The following CDKAL1 variants were observed in gnomAD, a reference collection of about 807,000 sequenced individuals.
CDKAL1 encodes CDKAL1 threonylcarbamoyladenosine tRNA methylthiotransferase, also known as threonylcarbamoyladenosine tRNA methylthiotransferase.
CDKAL1 carries 32 observed loss-of-function variants against 68.2 expected under a neutral mutation model. The observed-to-expected ratio is 0.47, with a 90% CI of 0.35 to 0.63. The LOEUF (loss-of-function observed/expected upper bound fraction) is 0.63, where lower values mean the gene tolerates loss of function less well. Among genes scored for constraint, CDKAL1 ranks in the 30% least tolerant of loss-of-function variants. CDKAL1 has a pLI of 0.00. For missense variants in CDKAL1, 606 were observed against 696.7 expected (o/e 0.87, Z 1.47); for synonymous variants, 234 against 244.3 (o/e 0.96, Z 0.39).
At chr6:20,982,374 G>A (rs11961135) in intron 10 of CDKAL1, among the ~76,000 whole-genome samples, 14,564 of 152,032 alleles carry the variant, frequency 0.096, 785 homozygotes, top group Non-Finnish European at 0.12. Context: ...GAAATTCTTA[G>A]CATATAAATA....
intron 4 of CDKAL1, among the ~76,000 whole-genome samples, chr6:20,573,371 C>G (rs1764783566): frequency 6.7e-6 from 1 of 150,318 alleles, no homozygotes. Context: ...CAACAAAAAC[C>G]TCAAGTTATA....
chr6:20,611,200 A>G (rs1234630998), intron 4 of CDKAL1, among the ~76,000 whole-genome samples: 2 of 152,092 alleles, frequency 1.3e-5, no homozygotes, highest in Non-Finnish European at 2.9e-5. Flanking sequence ...CTATTCAGCT[A>G]CTTCATGCTT....
At chr6:20,788,384 G>A (rs1324715584) in intron 8 of CDKAL1, among the ~76,000 whole-genome samples, 2 of 152,206 alleles carry the variant, frequency 1.3e-5, no homozygotes, top group Non-Finnish European at 2.9e-5. Context: ...CACACCGTAA[G>A]GTGAGTACAG....
chr6:20,975,947 A>C (rs186385655), intron 10 of CDKAL1, among the ~76,000 whole-genome samples: 24 of 152,312 alleles, frequency 1.6e-4, no homozygotes, highest in Admixed American at 1.4e-3. Flanking sequence ...GGGTTTTGAC[A>C]AATGTATAAT....
chr6:20,803,363 C>T (rs912531179), intron 8 of CDKAL1, among the ~76,000 whole-genome samples: 10 of 152,210 alleles, frequency 6.6e-5, no homozygotes, highest in Non-Finnish European at 1.3e-4. Flanking sequence ...GCCATTACTT[C>T]TGCTAGGCCT....
intron 13 of CDKAL1, among the ~76,000 whole-genome samples, chr6:21,155,855 G>C (rs1248019377): frequency 6.6e-6 from 1 of 152,150 alleles, no homozygotes; most frequent in Admixed American, 6.5e-5. Flanking sequence ...GGACGGATCT[G>C]AGTAAACATA....
At chr6:20,902,311 TCACA>T (rs71658260) in intron 9 of CDKAL1, among the ~76,000 whole-genome samples, 1,945 of 8,120 alleles carry the variant, frequency 0.24, 18 homozygotes, top group Middle Eastern at 0.31. Flanking sequence ...CGTGGTGGAT[TCACA>T]CACACACACA....
chr6:20,730,647 C>T (rs556708524), intron 5 of CDKAL1, among the ~76,000 whole-genome samples: 1 of 151,974 alleles, frequency 6.6e-6, no homozygotes, highest in East Asian at 1.9e-4. Flanking sequence ...GGGTTTGAGA[C>T]CAGCCTGGCC....
At chr6:20,671,451 T>A (rs947270811) in intron 5 of CDKAL1, among the ~76,000 whole-genome samples, 6 of 152,202 alleles carry the variant, frequency 3.9e-5, no homozygotes, top group Non-Finnish European at 5.9e-5. Context: ...TGCAGAATAT[T>A]TTATTCTTTG....
At chr6:20,953,228 T>C (rs192920074) in intron 9 of CDKAL1, among the ~76,000 whole-genome samples, 8 of 152,320 alleles carry the variant, frequency 5.3e-5, no homozygotes, top group African/African-American at 1.4e-4. Flanking sequence ...CAGGGGGCTA[T>C]TGGTCCCCAC....
At chr6:21,005,206 G>A (rs1187668840) in intron 11 of CDKAL1, among the ~76,000 whole-genome samples, 6 of 152,038 alleles carry the variant, frequency 3.9e-5, no homozygotes, top group Admixed American at 1.3e-4. Context: ...GGGCCTTGAG[G>A]CATTAGACAA....
chr6:20,979,301 A>G (rs1765992950), intron 10 of CDKAL1, among the ~76,000 whole-genome samples: 1 of 152,250 alleles, frequency 6.6e-6, no homozygotes, highest in South Asian at 2.1e-4. Flanking sequence ...TATGCTAAAC[A>G]ACTAATAATG....
Position 21,198,020 on chromosome 6 carries a change from G to T in CDKAL1, c.1300-1G>T. On this transcript the variant is annotated splice_acceptor_variant, in intron 13 of 15. Coordinates refer to ENST00000274695, the MANE Select transcript of CDKAL1 (RefSeq NM_017774.3). LOFTEE classifies it high-confidence loss of function. Reference sequence around the variant, plus strand: ...TTCTTTCCCTCCCCTTCTCTCCACAGATTGGTGAAAGACAACAAGTGTTAG... The same window carrying T: ...TTCTTTCCCTCCCCTTCTCTCCACATATTGGTGAAAGACAACAAGTGTTAG... The T allele has an allele frequency of 6.3e-7, 1 of 1,590,000 alleles. No homozygotes were observed. The highest frequency in any genetic ancestry group is 8.6e-7 in the Non-Finnish European group (1 of 1,163,106).
intron 12 of CDKAL1, among the ~76,000 whole-genome samples, chr6:21,082,843 T>C (rs1772477450): frequency 6.6e-6 from 1 of 151,680 alleles, no homozygotes; most frequent in Non-Finnish European, 1.5e-5. Flanking sequence ...GCGAACTAAG[T>C]CTGAACGTGA....
intron 13 of CDKAL1, among the ~76,000 whole-genome samples, chr6:21,134,543 A>T (rs1398003961): frequency 2.0e-5 from 3 of 152,198 alleles, no homozygotes; most frequent in Non-Finnish European, 4.4e-5. Flanking sequence ...ACTATTGCAG[A>T]ATAAGTGAAG....
chr6:20,716,424 A>G (rs1319131320), intron 5 of CDKAL1, among the ~76,000 whole-genome samples: 2 of 152,166 alleles, frequency 1.3e-5, no homozygotes, highest in Non-Finnish European at 2.9e-5. Flanking sequence ...TGTTGGACAG[A>G]AAGTACAGCA....
intron 8 of CDKAL1, among the ~76,000 whole-genome samples, chr6:20,843,030 G>A (rs988660636): frequency 4.6e-5 from 7 of 151,936 alleles, no homozygotes; most frequent in African/African-American, 1.2e-4. Flanking sequence ...TTTCCGTGGG[G>A]AATACATTTC....
At chr6:21,222,348 G>A (rs1779570459) in intron 15 of CDKAL1, among the ~76,000 whole-genome samples, 1 of 152,186 alleles carries the variant, frequency 6.6e-6, no homozygotes, top group African/African-American at 2.4e-5. Context: ...AATTGAAACA[G>A]AAAGGCTGAC....
intron 11 of CDKAL1, among the ~76,000 whole-genome samples, chr6:21,046,087 G>A (rs201330): frequency 6.6e-6 from 1 of 152,092 alleles, no homozygotes; most frequent in Non-Finnish European, 1.5e-5. Context: ...GTAAACTGAG[G>A]AAAATATTGC....
Sources: gnomAD v4.1 joint callset for allele counts (sites outside exome capture counted in the v4.1 genomes callset) on GRCh38, gnomAD v4.1.1 for gene constraint, MANE v1.5 for transcripts, NCBI Gene and HGNC (gene_info 2026-07-23, HGNC 2026-07-21) for gene names.